The following COG6 variants were observed in gnomAD, a reference collection of about 807,000 sequenced individuals.
COG6 encodes conserved oligomeric Golgi complex subunit 6.
A neutral mutation model predicts 88.8 loss-of-function variants in COG6; 74 were observed. That is an observed-to-expected ratio of 0.83 (90% CI 0.69 to 1.01). The LOEUF (loss-of-function observed/expected upper bound fraction) is 1.01. COG6 is among the 50% of genes least tolerant of loss of function. COG6 has a pLI of 0.00. For missense variants in COG6, 800 were observed against 797.9 expected (o/e 1.00, Z -0.03); for synonymous variants, 286 against 278.7 (o/e 1.03, Z -0.26).
intron 3 of COG6, among the ~76,000 whole-genome samples, chr13:39,661,723 A>T: frequency 6.6e-6 from 1 of 151,534 alleles, no homozygotes; most frequent in Middle Eastern, 3.5e-3. Context: ...TTAAATAATT[A>T]TATAATATAT....
At chr13:39,682,025 A>T (rs1876342451) in intron 7 of COG6, 146 bp from the exon 8 acceptor site, 4 of 637,372 alleles carry the variant, frequency 6.3e-6, no homozygotes, top group Non-Finnish European at 1.1e-5. Flanking sequence ...GCATAAATTC[A>T]TTTTTGATTG....
chr13:39,764,929 G>A (rs1881122494), intron 18 of COG6, among the ~76,000 whole-genome samples: 1 of 152,104 alleles, frequency 6.6e-6, no homozygotes. Flanking sequence ...TCTGCATAGT[G>A]TATCAGCTAC....
At chr13:39,769,975 T>G (rs1224743780) in intron 18 of COG6, among the ~76,000 whole-genome samples, 4 of 152,200 alleles carry the variant, frequency 2.6e-5, no homozygotes, top group African/African-American at 9.7e-5. Context: ...TCGAAGGTAT[T>G]TTGTTAAGCA....
At chr13:39,682,313 T>C (rs1182106992) in intron 8 of COG6, 49 bp downstream of exon 8, 1 of 1,058,604 alleles carries the variant, frequency 9.4e-7, no homozygotes, top group Non-Finnish European at 1.5e-6. Flanking sequence ...TTTCTTTTGA[T>C]ATCTTACTTT....
intron 18 of COG6, among the ~76,000 whole-genome samples, chr13:39,743,633 AG>A (rs1250047300): frequency 3.3e-5 from 5 of 152,154 alleles, no homozygotes; most frequent in Non-Finnish European, 5.9e-5. Flanking sequence ...ACCAAAAAAA[AG>A]TCCAGGACCA....
At chr13:39,708,691 C>T (rs553232099) in intron 13 of COG6, among the ~76,000 whole-genome samples, 21 of 152,200 alleles carry the variant, frequency 1.4e-4, no homozygotes, top group Non-Finnish European at 3.1e-4. Flanking sequence ...ATAACAATAC[C>T]TAATACCATG....
At position 39,655,746 on chromosome 13, in the gene COG6, A is replaced by T. The variant is rs1272118551; in HGVS notation, c.20A>T (p.Glu7Val). 1 of 1,595,316 alleles carries T rather than the reference A, an allele frequency of 6.3e-7. No homozygotes were observed. The highest frequency in any genetic ancestry group is 8.5e-7 in the Non-Finnish European group (1 of 1,171,082). Residue 7 changes from glutamate (E) to valine (V), a missense_variant, in exon 1 of 19, where the codon GAA becomes GTA. By Grantham distance (121) the Glu-to-Val change is moderately radical. Transcript: ENST00000455146. ...AGCGCTATGGCAGAGGGCAGCGGGG[A>T]AGTGGTCGCAGTGTCTGCGACCGGG... is the stretch of plus-strand genomic sequence containing the variant. MAEGSG[E>V]VVAVSATGAA...
chr13:39,784,961 G>A (rs888868744), intron 18 of COG6, among the ~76,000 whole-genome samples: 2 of 152,204 alleles, frequency 1.3e-5, no homozygotes. Context: ...GGAAGAGCAA[G>A]TCTAACTTGA....
rs1318827789 is a variant in COG6, at chr13:39,687,491, T to C, written c.789-12T>C. 6 of 1,611,208 alleles carry C rather than the reference T, an allele frequency of 3.7e-6. No individual in the cohort carries two copies. Among genetic ancestry groups the C allele is most frequent in the African/African-American group, 1.3e-5 (1 of 74,778 alleles). Reference sequence around the variant, plus strand: ...AACCCCAACCATTTTTTATATAACTTGTTTCTTCTAGATATACCTTAGATG... The same window carrying C: ...AACCCCAACCATTTTTTATATAACTCGTTTCTTCTAGATATACCTTAGATG... On this transcript the variant is annotated splice_polypyrimidine_tract_variant and intron_variant, in intron 8 of 18. Coordinates refer to ENST00000455146, the MANE Select transcript of COG6 (RefSeq NM_020751.3).
At chr13:39,762,106 A>T (rs1881033599) in intron 18 of COG6, among the ~76,000 whole-genome samples, 1 of 151,982 alleles carries the variant, frequency 6.6e-6, no homozygotes, top group South Asian at 2.1e-4. Context: ...CAAGATATGG[A>T]ATCAACTTGT....
chr13:39,787,692 A>G (rs2138195102), intron 18 of COG6, among the ~76,000 whole-genome samples: 1 of 152,348 alleles, frequency 6.6e-6, no homozygotes, highest in Admixed American at 6.5e-5. Flanking sequence ...CTGCATTCAC[A>G]GATTCAACCA....
chr13:39,668,072 A>G (rs1166083988), intron 4 of COG6, among the ~76,000 whole-genome samples: 1 of 152,068 alleles, frequency 6.6e-6, no homozygotes, highest in Non-Finnish European at 1.5e-5. Context: ...GCCATCTTTT[A>G]TTTCAGTTTT....
intron 4 of COG6, among the ~76,000 whole-genome samples, chr13:39,672,313 T>C (rs567522752): frequency 6.6e-6 from 1 of 152,158 alleles, no homozygotes; most frequent in South Asian, 2.1e-4. Context: ...ATCATAAAAT[T>C]AAAGTATATA....
intron 18 of COG6, among the ~76,000 whole-genome samples, chr13:39,766,540 C>T (rs1478202077): frequency 6.6e-6 from 1 of 151,900 alleles, no homozygotes; most frequent in African/African-American, 2.4e-5. Context: ...ATCCCATACT[C>T]CCTCCTAACC....
chr13:39,719,272 G>A lies in COG6; in HGVS notation c.1321G>A (p.Ala441Thr). The A allele has an allele frequency of 2.5e-6, 4 of 1,612,784 alleles. No individual in the cohort carries two copies. Among genetic ancestry groups the A allele is most frequent in the Non-Finnish European group, 3.4e-6 (4 of 1,179,166 alleles). Residue 441 changes from alanine to threonine, a missense_variant, in exon 14 of 19, where the codon GCA becomes ACA. Coordinates refer to ENST00000455146, the MANE Select transcript of COG6 (RefSeq NM_020751.3). Reference protein sequence around the residue: ...LPPPDLGPSSALNQTLMLLRE... With the variant: ...LPPPDLGPSSTLNQTLMLLRE... ...ACCACCTGATCTTGGACCAAGTTCT[G>A]CACTAAATCAGACACTCATGTTGCT...
intron 12 of COG6, among the ~76,000 whole-genome samples, chr13:39,694,955 G>GCGCACACA (rs1555277402): frequency 7.0e-5 from 10 of 142,644 alleles, no homozygotes; most frequent in African/African-American, 2.6e-4. Context: ...TTAACTACAC[G>GCGCACACA]CACACACACA....
chr13:39,679,465 A>G, intron 5 of COG6, 73 bp from the exon 6 acceptor site: 1 of 833,828 alleles, frequency 1.2e-6, no homozygotes. Context: ...TGCCCTTGGT[A>G]GTGACCTTTC....
chr13:39,752,312 T>G lies in COG6; in HGVS notation c.*1219T>G, dbSNP rs1374916596. 1.2e-6 allele frequency: 1 copy of G among 828,610 alleles called. No individual in the cohort carries two copies. Among genetic ancestry groups the G allele is most frequent in the South Asian group, 1.7e-5 (1 of 60,340 alleles). The allele number at this position is 828,610 out of a possible 1,614,324, so 51.3% of individuals were successfully genotyped here. On this transcript the variant is annotated 3_prime_UTR_variant, in exon 19 of 19. Coordinates refer to ENST00000455146, the MANE Select transcript of COG6 (RefSeq NM_020751.3). ...AGATTATGTGTTGTATATAACAAAT[T>G]AGTATTTATAGAATATGACCTATTT...
chr13:39,721,829 T>C (rs572356844), intron 15 of COG6, among the ~76,000 whole-genome samples: 61 of 152,256 alleles, frequency 4.0e-4, no homozygotes, highest in Non-Finnish European at 6.6e-4. Context: ...TCAGATTCTC[T>C]TGTTTTTAGT....
Sources: gnomAD v4.1 joint callset for allele counts (sites outside exome capture counted in the v4.1 genomes callset) on GRCh38, gnomAD v4.1.1 for gene constraint, MANE v1.5 for transcripts, NCBI Gene and HGNC (gene_info 2026-07-23, HGNC 2026-07-21) for gene names.